TMPRSS11B: variants seen among roughly 807,000 people sequenced by gnomAD.
TMPRSS11B encodes the protein transmembrane protease serine 11B.
TMPRSS11B carries 53 observed loss-of-function variants against 44.7 expected under a neutral mutation model. The ratio of observed to expected loss-of-function variants is 1.19; its 90% CI spans 0.95 to 1.49. The LOEUF is 1.49. Ranked by LOEUF, TMPRSS11B falls within the 40% of genes most tolerant of loss-of-function variation. The pLI is 0.00. For synonymous variants in TMPRSS11B, 140 were observed against 159.2 expected (o/e 0.88, Z 0.91); for missense variants, 526 against 494.8 (o/e 1.06, Z -0.60).
At chr4:68,232,560 C>A (rs941203984) in intron 5 of TMPRSS11B, 144 bp from the exon 6 acceptor site, 6 of 643,874 alleles carry the variant, frequency 9.3e-6, no homozygotes, top group Non-Finnish European at 1.6e-5. Flanking sequence ...TATTTTCAGC[C>A]CCTCTGACTC....
chr4:68,231,173 T>G, intron 7 of TMPRSS11B, 30 bp downstream of exon 7: 1 of 1,582,822 alleles, frequency 6.3e-7, no homozygotes. Context: ...GCACCTAGCA[T>G]CCTTCATTTA....
intron 2 of TMPRSS11B, among the ~76,000 whole-genome samples, chr4:68,238,626 C>T (rs183068705): frequency 2.0e-4 from 30 of 151,772 alleles, no homozygotes; most frequent in Non-Finnish European, 1.6e-4. Flanking sequence ...ACTTGAGAGG[C>T]TGAGGCGGGA....
intron 4 of TMPRSS11B, among the ~76,000 whole-genome samples, 163 bp downstream of exon 4, chr4:68,235,839 C>T (rs1719645931): frequency 6.6e-6 from 1 of 150,960 alleles, no homozygotes; most frequent in Non-Finnish European, 1.5e-5. Context: ...CTTTCTTTTT[C>T]TTTTTTTTTC....
chr4:68,245,353 A>C (rs1258805728), intron 1 of TMPRSS11B, among the ~76,000 whole-genome samples, 198 bp downstream of exon 1: 3 of 152,032 alleles, frequency 2.0e-5, no homozygotes, highest in African/African-American at 7.2e-5. Flanking sequence ...CTGAATTATT[A>C]TTTTTCTTTT....
rs776248782 is a variant in TMPRSS11B at position 68,227,867 on chromosome 4, A to G, written c.*44T>C. 1 of 1,432,630 alleles carries G rather than the reference A, an allele frequency of 7.0e-7. No individual in the cohort carries two copies. The highest frequency in any genetic ancestry group is 1.8e-5 in the South Asian group (1 of 55,748). The allele number at this position is 1,432,630 out of a possible 1,614,324, so 88.7% of individuals were successfully genotyped here. ...AGATCCCAAAGCCACAGATAAGGAT[A>G]GCCTACAGTGGTCTTTATGTTCCTT... On this transcript the variant is annotated 3_prime_UTR_variant, in exon 10 of 10. Coordinates refer to ENST00000332644, the MANE Select transcript of TMPRSS11B (RefSeq NM_182502.3).
intron 4 of TMPRSS11B, 96 bp from the exon 5 acceptor site, chr4:68,234,719 C>A (rs912956642): frequency 8.3e-6 from 11 of 1,317,862 alleles, no homozygotes; most frequent in Non-Finnish European, 1.0e-5. Context: ...ATCACATTTT[C>A]TTTACATATA....
At chr4:68,234,367 A>G in intron 5 of TMPRSS11B, 96 bp downstream of exon 5, 1 of 1,363,602 alleles carries the variant, frequency 7.3e-7, no homozygotes, top group Non-Finnish European at 9.9e-7. Flanking sequence ...TTTTTTCCCG[A>G]ATTACTAAAA....
intron 1 of TMPRSS11B, among the ~76,000 whole-genome samples, chr4:68,244,021 T>C (rs1239145877): frequency 6.6e-6 from 1 of 152,176 alleles, no homozygotes; most frequent in Non-Finnish European, 1.5e-5. Context: ...AGTAAGTTTG[T>C]GATTAACTCA....
chr4:68,229,795 C>A, intron 7 of TMPRSS11B: 2 of 262,090 alleles, frequency 7.6e-6, no homozygotes, highest in Non-Finnish European at 7.2e-6. Context: ...AGTTTCTGAA[C>A]ATTTAATTTG....
chr4:68,243,077 G>A (rs944377044), intron 1 of TMPRSS11B, among the ~76,000 whole-genome samples: 3 of 152,104 alleles, frequency 2.0e-5, no homozygotes, highest in Non-Finnish European at 4.4e-5. Context: ...TTGAATCCTA[G>A]TTATTTTTCA....
At chr4:68,234,161 A>C (rs1380302114) in intron 5 of TMPRSS11B, among the ~76,000 whole-genome samples, 3 of 146,054 alleles carry the variant, frequency 2.1e-5, no homozygotes, top group Non-Finnish European at 4.6e-5. Context: ...ACTCCATCTC[A>C]AAAAAAAAAA....
chr4:68,228,070 A>G lies in TMPRSS11B; in HGVS notation c.1092T>C (p.Asn364=), dbSNP rs1254599233. The stretch of plus-strand genomic sequence containing the variant: ...GGTAAGCTAGTGGTCCACCAGAATC[A>G]TTCTAGAAGAAGAAAAGAAAAAAAT... ...FMSGEADACQ[N]DSGGPLAYPD... is the part of the protein sequence containing the mutation. The change falls in exon 10 of 10, where the codon AAT becomes AAC. Residue 364 remains asparagine (N), a splice_region_variant and synonymous_variant. Transcript: ENST00000332644. 15 of 1,588,578 alleles carry G rather than the reference A, an allele frequency of 9.4e-6. No individual in the cohort carries two copies. Among genetic ancestry groups the G allele is most frequent in the Non-Finnish European group, 1.3e-5 (15 of 1,173,254 alleles).
Position 68,236,074 on chromosome 4 carries a change from C to G in TMPRSS11B, c.241-5G>C, listed in dbSNP as rs201748895. 1.2e-3 allele frequency: 1,835 copies of G among 1,586,090 alleles called. 1 individual carries two copies. Among genetic ancestry groups the G allele is most frequent in the Middle Eastern group, 1.8e-3 (9 of 5,128 alleles). On this transcript the variant is annotated splice_polypyrimidine_tract_variant and splice_region_variant and intron_variant, in intron 3 of 9. Transcript: ENST00000332644. Reference sequence around the variant, plus strand: ...ATTTTGAAATGCATTTAACATCTGACAAGAGAAAAAAAACAGTCATCATGT... The same window carrying G: ...ATTTTGAAATGCATTTAACATCTGAGAAGAGAAAAAAAACAGTCATCATGT...
At chr4:68,233,235 C>T (rs1719569257) in intron 5 of TMPRSS11B, among the ~76,000 whole-genome samples, 1 of 152,002 alleles carries the variant, frequency 6.6e-6, no homozygotes, top group Non-Finnish European at 1.5e-5. Context: ...AAAGTTCTAC[C>T]TCAGGTTCCC....
In TMPRSS11B at chr4:68,232,435, A is replaced by G. The variant is rs370641283; in HGVS notation, c.470-19T>C. The G allele has an allele frequency of 8.1e-6, 13 of 1,608,732 alleles. No homozygotes were observed. In the East Asian group the frequency reaches 2.9e-4, roughly 36 times the overall value. On this transcript the variant is annotated intron_variant, in intron 5 of 9. Coordinates refer to ENST00000332644, the MANE Select transcript of TMPRSS11B (RefSeq NM_182502.3). ...CTGATTTCTGAAAGTGAAAAACAAA[A>G]CAAAATATAAAATTGAGCAAATATC...
In TMPRSS11B at chr4:68,245,666, C is replaced by T. The variant is rs1433924863; in HGVS notation, c.-108G>A. On this transcript the variant is annotated 5_prime_UTR_variant, in exon 1 of 10. Transcript: ENST00000332644. ...TAATAGTGATGACAAAAGTTAGAACCTTCTGACGCAGCTTTTGACTTATGT... is the reference window on the plus strand; with the variant it reads ...TAATAGTGATGACAAAAGTTAGAACTTTCTGACGCAGCTTTTGACTTATGT... 5.9e-6 allele frequency: 8 copies of T among 1,363,222 alleles called. No individual in the cohort carries two copies. Among genetic ancestry groups the T allele is most frequent in the Non-Finnish European group, 6.3e-6 (6 of 957,576 alleles). The allele number at this position is 1,363,222 out of a possible 1,614,324, so 84.4% of individuals were successfully genotyped here. A position where few individuals can be genotyped will look rare whatever the true frequency, so the allele number is the denominator to read the frequency against.
Position 68,232,657 on chromosome 4 carries a change from T to G in TMPRSS11B, c.470-241A>C, listed in dbSNP as rs534174283. Among the ~76,000 whole-genome samples the G allele has an allele frequency of 2.6e-5, 4 of 152,294 alleles. No individual in the cohort carries two copies. The South Asian group carries it at 8.3e-4, about 32-fold the overall frequency. ...AGGGAATAAAAAACAAAAATCAGTT[T>G]TATGATTATTGAAGTAAAATATTCA... On this transcript the variant is annotated intron_variant, in intron 5 of 9. Transcript: ENST00000332644.
chr4:68,236,119 A>C (rs747306037), intron 3 of TMPRSS11B, 32 bp downstream of exon 3: 1 of 1,559,292 alleles, frequency 6.4e-7, no homozygotes, highest in Non-Finnish European at 8.7e-7. Context: ...TCAAATTTAT[A>C]ATAAAATTAA....
intron 5 of TMPRSS11B, among the ~76,000 whole-genome samples, chr4:68,232,775 T>C (rs1386325253): frequency 6.6e-6 from 1 of 152,188 alleles, no homozygotes; most frequent in Non-Finnish European, 1.5e-5. Context: ...TTGTGACATA[T>C]GTATACACGT....
Sources: gnomAD v4.1 joint callset for allele counts (sites outside exome capture counted in the v4.1 genomes callset) on GRCh38, gnomAD v4.1.1 for gene constraint, MANE v1.5 for transcripts, NCBI Gene and HGNC (gene_info 2026-07-23, HGNC 2026-07-21) for gene names.